LIMCH1: variants seen among roughly 807,000 people sequenced by gnomAD.
LIMCH1 encodes LIM and calponin homology domains 1, also known as LIM and calponin homology domains-containing protein 1.
In LIMCH1, 113 loss-of-function variants were observed where a neutral mutation model predicts 176.5. The ratio of observed to expected loss-of-function variants is 0.64; its 90% CI spans 0.55 to 0.75. LIMCH1 has a LOEUF of 0.75. Among genes scored for constraint, LIMCH1 ranks in the 30% least tolerant of loss-of-function variants. LIMCH1 has a pLI of 0.00. For missense variants in LIMCH1, 1,674 were observed against 1,814.9 expected (o/e 0.92, Z 1.41); for synonymous variants, 619 against 645.9 (o/e 0.96, Z 0.63).
rs73813414 is a variant in LIMCH1, at chr4:41,696,023, C to T, written c.4379-1137C>T. 6.1e-3 allele frequency among the ~76,000 whole-genome samples: 921 copies of T among 152,170 alleles called. 5 individuals carry two copies. Among genetic ancestry groups the T allele is most frequent in the African/African-American group, 0.021 (886 of 41,522 alleles). On this transcript the variant is annotated intron_variant, in intron 31 of 31. Transcript: ENST00000503057. ...AAGGGTGGTTTACGTCATAGGCATT[C>T]TAAGTGAAACAAAATAATTTCATTT...
chr4:41,688,009 A>G (rs1221893329), intron 29 of LIMCH1, 92 bp downstream of exon 29: 1 of 968,420 alleles, frequency 1.0e-6, no homozygotes, highest in East Asian at 2.4e-5. Flanking sequence ...TTGCCAAATG[A>G]TTTTGAGGGA....
intron 1 of LIMCH1, among the ~76,000 whole-genome samples, chr4:41,483,979 T>G (rs1286247580): frequency 6.6e-6 from 1 of 152,276 alleles, no homozygotes; most frequent in Admixed American, 6.5e-5. Context: ...GGCAAGTTAC[T>G]TAACCTTTCT....
At chr4:41,627,430 C>T (rs10029014) in intron 8 of LIMCH1, among the ~76,000 whole-genome samples, 7,747 of 152,110 alleles carry the variant, frequency 0.051, 657 homozygotes, top group African/African-American at 0.18. Flanking sequence ...AGCAGAAAAA[C>T]GCTAAAAGCA....
At chr4:41,378,667 A>G (rs140268370) in intron 1 of LIMCH1, among the ~76,000 whole-genome samples, 28 of 152,296 alleles carry the variant, frequency 1.8e-4, no homozygotes, top group Non-Finnish European at 3.5e-4. Flanking sequence ...TAATAGAGGT[A>G]AGAGGTGATG....
intron 18 of LIMCH1, among the ~76,000 whole-genome samples, chr4:41,651,190 G>C (rs1401755987): frequency 6.6e-6 from 1 of 152,070 alleles, no homozygotes; most frequent in Non-Finnish European, 1.5e-5. Flanking sequence ...ATTTTTAGTA[G>C]AGACAGGTTT....
chr4:41,631,776 A>G (rs563526851), intron 10 of LIMCH1, among the ~76,000 whole-genome samples: 1 of 152,332 alleles, frequency 6.6e-6, no homozygotes, highest in African/African-American at 2.4e-5. Context: ...TGAAAATACC[A>G]AATGAGCTAA....
intron 8 of LIMCH1, among the ~76,000 whole-genome samples, chr4:41,628,791 G>A (rs754713540): frequency 2.7e-4 from 41 of 152,270 alleles, no homozygotes; most frequent in Middle Eastern, 3.4e-3. Context: ...ATCAGTTTTA[G>A]CATCAATAAA....
intron 18 of LIMCH1, among the ~76,000 whole-genome samples, chr4:41,656,797 C>T (rs1389723440): frequency 6.6e-6 from 1 of 152,144 alleles, no homozygotes. Context: ...CGGGAAAGGA[C>T]GTTGGACATC....
intron 4 of LIMCH1, among the ~76,000 whole-genome samples, chr4:41,611,041 T>C (rs1278219799): frequency 6.6e-6 from 1 of 152,230 alleles, no homozygotes; most frequent in East Asian, 1.9e-4. Flanking sequence ...AACTGGTAAG[T>C]GTAATGCAGA....
chr4:41,527,178 T>C (rs2076745151), intron 3 of LIMCH1, among the ~76,000 whole-genome samples: 2 of 152,226 alleles, frequency 1.3e-5, no homozygotes, highest in Admixed American at 1.3e-4. Context: ...TCTTTTATTA[T>C]AGAATACAGA....
At position 41,650,635 on chromosome 4, in the gene LIMCH1, C is replaced by G; in HGVS notation, c.3036+27C>G. The G allele has an allele frequency of 3.8e-6, 6 of 1,561,334 alleles. No homozygotes were observed. The South Asian group carries it at 6.8e-5, about 18-fold the overall frequency. On this transcript the variant is annotated intron_variant, in intron 18 of 31. Transcript: ENST00000503057. ...TAAGAACCAAACATTTCCCCGCCTC[C>G]CTTTGGGATAATTCCATGGTGAAAG...
chr4:41,511,374 G>T (rs2074902009), intron 2 of LIMCH1, among the ~76,000 whole-genome samples: 1 of 152,308 alleles, frequency 6.6e-6, no homozygotes, highest in African/African-American at 2.4e-5. Flanking sequence ...CCCCAGTGCT[G>T]CAACCTGAAT....
intron 1 of LIMCH1, among the ~76,000 whole-genome samples, chr4:41,391,541 G>T (rs1381399530): frequency 6.6e-6 from 1 of 152,162 alleles, no homozygotes; most frequent in African/African-American, 2.4e-5. Flanking sequence ...AAATCTGGCA[G>T]ACACCACCTT....
Position 41,417,094 on chromosome 4 carries a change from TC to T in LIMCH1, c.96+56159del, listed in dbSNP as rs778368096. 2.7e-3 allele frequency among the ~76,000 whole-genome samples: 254 copies of T among 95,046 alleles called. 1 individual carries two copies. Among genetic ancestry groups the T allele is most frequent in the Non-Finnish European group, 4.0e-3 (197 of 49,042 alleles). 62.4% of individuals were successfully genotyped at this position (95,046 alleles called of 152,430 possible). A position where few individuals can be genotyped will look rare whatever the true frequency, so the allele number is the denominator to read the frequency against. ...GGTTATCTGTGCTATAGGCATTGCT[TC>T]TTTGTGAGGGGTTATCTATGCTATA... On this transcript the variant is annotated intron_variant, in intron 1 of 26. Transcript: ENST00000313860.
At chr4:41,437,247 C>T (rs1038322938) in intron 1 of LIMCH1, among the ~76,000 whole-genome samples, 46 of 152,308 alleles carry the variant, frequency 3.0e-4, no homozygotes, top group South Asian at 6.2e-4. Context: ...TAAGGTCCTA[C>T]GTGACCCAAG....
chr4:41,626,220 C>T (rs1208600441), intron 7 of LIMCH1, among the ~76,000 whole-genome samples: 1 of 152,148 alleles, frequency 6.6e-6, no homozygotes, highest in African/African-American at 2.4e-5. Context: ...GACTTCCTTA[C>T]ATTTTGTAAT....
chr4:41,682,530 G>A (rs1279793155), intron 26 of LIMCH1, 70 bp downstream of exon 26: 2 of 1,476,472 alleles, frequency 1.4e-6, no homozygotes, highest in Non-Finnish European at 1.8e-6. Context: ...CTCAGGAAGG[G>A]TACTCATTGC....
chr4:41,546,540 C>G (rs1178242696), intron 1 of LIMCH1, among the ~76,000 whole-genome samples: 1 of 151,034 alleles, frequency 6.6e-6, no homozygotes, highest in African/African-American at 2.4e-5. Context: ...TTTTTTTTCT[C>G]AACTTTCTTC....
At chr4:41,429,246 C>CT (rs2154135209) in intron 1 of LIMCH1, among the ~76,000 whole-genome samples, 1 of 152,182 alleles carries the variant, frequency 6.6e-6, no homozygotes, top group African/African-American at 2.4e-5. Context: ...CCCTTGGGCT[C>CT]TTTAAGTAGT....
Sources: gnomAD v4.1 joint callset for allele counts (sites outside exome capture counted in the v4.1 genomes callset) on GRCh38, gnomAD v4.1.1 for gene constraint, MANE v1.5 for transcripts, NCBI Gene and HGNC (gene_info 2026-07-23, HGNC 2026-07-21) for gene names.